TUSC3: variants seen among roughly 807,000 people sequenced by gnomAD.
The protein encoded by TUSC3 is tumor suppressor candidate 3, also known as dolichyl-diphosphooligosaccharide--protein glycosyltransferase subunit TUSC3.
In TUSC3, 45 loss-of-function variants were observed where a neutral mutation model predicts 44.8. The ratio of observed to expected loss-of-function variants is 1.00; its 90% CI spans 0.79 to 1.29. The LOEUF is 1.29. Ranked by LOEUF, TUSC3 falls within the 50% of genes most tolerant of loss-of-function variation. TUSC3 has a pLI of 0.00. For missense variants in TUSC3, 519 were observed against 437.9 expected (o/e 1.19, Z -1.65); for synonymous variants, 212 against 152.9 (o/e 1.39, Z -2.85).
chr8:15,814,764 G>A, the TUSC3 span, among the ~76,000 whole-genome samples: 73,772 of 151,922 alleles, frequency 0.49, 19,921 homozygotes, highest in African/African-American at 0.72. Context: ...AAATATTTTT[G>A]AAGTGTGGAA....
chr8:15,820,656 G>T, the TUSC3 span, among the ~76,000 whole-genome samples: 1 of 152,030 alleles, frequency 6.6e-6, no homozygotes, highest in Non-Finnish European at 1.5e-5. Flanking sequence ...TTCTGATTTC[G>T]GTATTGGCAT....
chr8:15,593,253 T>A (rs1002058203), intron 1 of TUSC3, among the ~76,000 whole-genome samples: 2 of 152,006 alleles, frequency 1.3e-5, no homozygotes, highest in Non-Finnish European at 2.9e-5. Context: ...ACCTGGCTAA[T>A]TTTTGTAGTT....
chr8:15,540,583 C>T lies in TUSC3; in HGVS notation c.138+15C>T, dbSNP rs1046368963. 6 of 1,551,450 alleles carry T rather than the reference C, an allele frequency of 3.9e-6. No individual in the cohort carries two copies. Among genetic ancestry groups the T allele is most frequent in the African/African-American group, 2.8e-5 (2 of 70,722 alleles). On this transcript the variant is annotated intron_variant, in intron 1 of 10. Transcript: ENST00000503731. ...AGAAAAAGGAGGTAGAATGGATCCC[C>T]TTGGCCTTCCCCTGTGGGCGGGGGC...
chr8:15,653,947 T>G (rs564382666), intron 3 of TUSC3, among the ~76,000 whole-genome samples: 1 of 152,268 alleles, frequency 6.6e-6, no homozygotes, highest in South Asian at 2.1e-4. Flanking sequence ...TTCAATTATA[T>G]GTGATTCCCA....
intron 2 of TUSC3, among the ~76,000 whole-genome samples, chr8:15,631,919 G>A (rs1191369582): frequency 6.6e-6 from 1 of 152,066 alleles, no homozygotes; most frequent in African/African-American, 2.4e-5. Context: ...GTGTTGGCCA[G>A]GCTGGTCTTG....
chr8:15,522,646 T>C (rs1049349135), intron 2 of TUSC3, among the ~76,000 whole-genome samples: 1 of 151,666 alleles, frequency 6.6e-6, no homozygotes, highest in Non-Finnish European at 1.5e-5. Flanking sequence ...CCTCCCAAGA[T>C]AGGGGCTGTT....
chr8:15,570,210 A>C (rs1291742092), intron 1 of TUSC3, among the ~76,000 whole-genome samples: 1 of 151,906 alleles, frequency 6.6e-6, no homozygotes, highest in African/African-American at 2.4e-5. Context: ...TTTATTTCAC[A>C]AAACACTCCA....
At position 15,743,487 on chromosome 8, in the gene TUSC3, A is replaced by G. The variant is rs774675489; in HGVS notation, c.863-51A>G. On this transcript the variant is annotated intron_variant, in intron 7 of 10. Transcript: ENST00000503731. ...CATTGTGTTCAGAGCCAGAAAAATT[A>G]ATAGATTTTATTCACATCTATGTCT... 4 of 1,580,792 alleles carry G rather than the reference A, an allele frequency of 2.5e-6. No individual in the cohort carries two copies. In the African/African-American group the frequency reaches 5.4e-5, roughly 21 times the overall value.
intron 1 of TUSC3, among the ~76,000 whole-genome samples, chr8:15,565,366 C>T (rs528953535): frequency 2.2e-4 from 34 of 152,194 alleles, no homozygotes; most frequent in African/African-American, 7.2e-4. Context: ...ATTTCAGGAT[C>T]ATTTGTTTAG....
chr8:15,692,529 T>C (rs1808963178), intron 6 of TUSC3, among the ~76,000 whole-genome samples: 1 of 151,850 alleles, frequency 6.6e-6, no homozygotes, highest in African/African-American at 2.4e-5. Context: ...TCAAAACTTA[T>C]TATTGGTCAG....
chr8:15,734,801 A>G (rs1013734626), intron 7 of TUSC3, among the ~76,000 whole-genome samples: 4 of 152,206 alleles, frequency 2.6e-5, no homozygotes, highest in East Asian at 1.9e-4. Flanking sequence ...TTGGTAGAAG[A>G]TACAACAGGT....
At chr8:15,489,136 C>T (rs1471459418) in intron 2 of TUSC3, among the ~76,000 whole-genome samples, 2 of 152,158 alleles carry the variant, frequency 1.3e-5, no homozygotes, top group African/African-American at 2.4e-5. Context: ...TGATTTTATA[C>T]ATTTTAGAGG....
intron 1 of TUSC3, among the ~76,000 whole-genome samples, chr8:15,440,033 C>T (rs1333657027): frequency 2.6e-5 from 4 of 152,226 alleles, no homozygotes; most frequent in Non-Finnish European, 5.9e-5. Flanking sequence ...CCCCTACTCT[C>T]ATGGCATTTT....
chr8:15,736,037 T>C (rs1040364132), intron 7 of TUSC3, among the ~76,000 whole-genome samples: 2 of 152,138 alleles, frequency 1.3e-5, no homozygotes, highest in African/African-American at 4.8e-5. Context: ...GATATTTCTT[T>C]AGTTATTCTA....
At chr8:15,731,276 G>A (rs1222048997) in intron 7 of TUSC3, among the ~76,000 whole-genome samples, 1 of 151,834 alleles carries the variant, frequency 6.6e-6, no homozygotes, top group Non-Finnish European at 1.5e-5. Flanking sequence ...ATAGTAGCAG[G>A]GTAAGAAAAA....
intron 1 of TUSC3, among the ~76,000 whole-genome samples, chr8:15,615,072 A>G (rs961065253): frequency 2.0e-5 from 3 of 152,152 alleles, no homozygotes; most frequent in African/African-American, 7.2e-5. Flanking sequence ...AAAACCAGAA[A>G]TACAACAACC....
chr8:15,570,193 A>C (rs934716032), intron 1 of TUSC3, among the ~76,000 whole-genome samples: 1 of 151,890 alleles, frequency 6.6e-6, no homozygotes, highest in East Asian at 1.9e-4. Flanking sequence ...TCATCTGTGC[A>C]GAGTAATTTA....
chr8:15,685,902 ACT>A (rs1408474336), intron 6 of TUSC3, among the ~76,000 whole-genome samples: 11 of 5,682 alleles, frequency 1.9e-3, no homozygotes, highest in African/African-American at 5.9e-3. Flanking sequence ...AAGGCTAGTG[ACT>A]CTGCTCATAT....
At chr8:15,449,083 C>A (rs1800159075) in intron 1 of TUSC3, among the ~76,000 whole-genome samples, 1 of 152,150 alleles carries the variant, frequency 6.6e-6, no homozygotes, top group Non-Finnish European at 1.5e-5. Context: ...CTTTATTTCT[C>A]ATAAAGCGTT....
Sources: allele counts gnomAD v4.1 joint callset (sites outside exome capture counted in the v4.1 genomes callset), GRCh38; gene constraint gnomAD v4.1.1; transcripts MANE v1.5; gene names NCBI Gene and HGNC (gene_info 2026-07-23, HGNC 2026-07-21).